Variants in STXBP6 observed in about 807,000 individuals in gnomAD.
STXBP6 encodes syntaxin binding protein 6.
STXBP6 carries 21 observed loss-of-function variants against 26.9 expected under a neutral mutation model. The observed-to-expected ratio is 0.78, with a 90% CI of 0.55 to 1.12. The LOEUF (loss-of-function observed/expected upper bound fraction) is 1.12, where lower values mean the gene tolerates loss of function less well. Among genes scored for constraint, STXBP6 ranks in the 50% most tolerant of loss-of-function variants. The pLI is 0.00. For missense variants in STXBP6, 232 were observed against 257.9 expected, an observed-to-expected ratio of 0.90 and a Z score of 0.69; for synonymous variants, 97 against 92.6, an observed-to-expected ratio of 1.05 and a Z score of -0.27.
rs369782598 is a variant in STXBP6 at position 24,938,851 on chromosome 14, G to A, written c.154+35814C>T. 2.2e-4 allele frequency among the ~76,000 whole-genome samples: 33 copies of A among 152,212 alleles called. 1 individual carries two copies. The highest frequency in any genetic ancestry group is 7.9e-4 in the African/African-American group (33 of 41,530). On this transcript the variant is annotated intron_variant, in intron 2 of 5. Transcript: ENST00000323944. The stretch of plus-strand genomic sequence containing the variant: ...CAGAAAACTCACTTTGCTGGTTTAA[G>A]GCACTTAACATGTATTCAACTTGCT...
intron 2 of STXBP6, among the ~76,000 whole-genome samples, chr14:24,912,827 T>C (rs538296613): frequency 6.6e-6 from 1 of 152,198 alleles, no homozygotes; most frequent in African/African-American, 2.4e-5. Flanking sequence ...TTTAAAAAAA[T>C]GTGGACTTGC....
At chr14:24,923,436 T>C (rs2072051433) in intron 2 of STXBP6, among the ~76,000 whole-genome samples, 1 of 152,226 alleles carries the variant, frequency 6.6e-6, no homozygotes, top group Admixed American at 6.5e-5. Context: ...CAACATTCTT[T>C]TTCATGTTTC....
chr14:24,874,554 T>A (rs965797668), intron 2 of STXBP6, among the ~76,000 whole-genome samples: 1 of 152,012 alleles, frequency 6.6e-6, no homozygotes, highest in African/African-American at 2.4e-5. Context: ...CTCCCAAATG[T>A]AAACAAGCTT....
intron 5 of STXBP6, chr14:24,815,863 C>G (rs1051728950): frequency 6.6e-6 from 1 of 152,142 alleles, no homozygotes; most frequent in African/African-American, 2.4e-5. Context: ...CAAGAAAGGA[C>G]CACATTTCCT....
At chr14:24,903,619 A>G (rs535892211) in intron 2 of STXBP6, among the ~76,000 whole-genome samples, 1 of 152,324 alleles carries the variant, frequency 6.6e-6, no homozygotes, top group South Asian at 2.1e-4. Context: ...AGACAGCCAG[A>G]ATATCCAAGT....
intron 4 of STXBP6, among the ~76,000 whole-genome samples, chr14:24,838,509 C>T (rs992723810): frequency 6.6e-6 from 1 of 151,974 alleles, no homozygotes; most frequent in East Asian, 1.9e-4. Context: ...TACGGTGAAA[C>T]CCCATCTCTA....
intron 2 of STXBP6, among the ~76,000 whole-genome samples, chr14:24,926,357 T>C (rs2072169497): frequency 6.7e-6 from 1 of 149,758 alleles, no homozygotes; most frequent in African/African-American, 2.4e-5. Context: ...CTGATATCTT[T>C]GGGCTCGCCA....
At chr14:24,936,806 T>G (rs2072617874) in intron 2 of STXBP6, among the ~76,000 whole-genome samples, 1 of 152,232 alleles carries the variant, frequency 6.6e-6, no homozygotes, top group South Asian at 2.1e-4. Context: ...CCCAAAGGAT[T>G]AGAAATCATT....
At chr14:24,897,396 C>A (rs1440113532) in intron 2 of STXBP6, among the ~76,000 whole-genome samples, 6 of 115,468 alleles carry the variant, frequency 5.2e-5, no homozygotes, top group African/African-American at 1.4e-4. Context: ...GGCGACAGAG[C>A]GAGACTCTGT....
intron 1 of STXBP6, among the ~76,000 whole-genome samples, chr14:25,037,688 T>C (rs2075577987): frequency 6.6e-6 from 1 of 152,248 alleles, no homozygotes; most frequent in Non-Finnish European, 1.5e-5. Flanking sequence ...AAAGGTCATT[T>C]TAAAACCACC....
intron 1 of STXBP6, among the ~76,000 whole-genome samples, chr14:25,024,708 T>C (rs1352287145): frequency 7.9e-5 from 12 of 152,138 alleles, no homozygotes. Flanking sequence ...CTAGCATAAA[T>C]AGCAACAGAT....
At chr14:24,983,227 G>GA (rs964262653) in intron 1 of STXBP6, among the ~76,000 whole-genome samples, 1 of 152,124 alleles carries the variant, frequency 6.6e-6, no homozygotes, top group Non-Finnish European at 1.5e-5. Context: ...GGTAGTAACA[G>GA]AAAAAAATTA....
chr14:24,828,015 G>A (rs893361168), intron 4 of STXBP6, among the ~76,000 whole-genome samples: 1 of 150,472 alleles, frequency 6.6e-6, no homozygotes, highest in Non-Finnish European at 1.5e-5. Flanking sequence ...AGGGTGTTCC[G>A]ACATCAGCAG....
At chr14:24,839,890 TAGAG>T (rs943199332) in intron 4 of STXBP6, among the ~76,000 whole-genome samples, 1 of 152,200 alleles carries the variant, frequency 6.6e-6, no homozygotes, top group Non-Finnish European at 1.5e-5. Flanking sequence ...CACCGCTTTC[TAGAG>T]AGAAAGAGGA....
intron 2 of STXBP6, among the ~76,000 whole-genome samples, chr14:24,908,902 A>C (rs74040712): frequency 6.6e-6 from 1 of 152,210 alleles, no homozygotes; most frequent in Non-Finnish European, 1.5e-5. Context: ...TCTAGATTAC[A>C]CAGCTCAAGG....
chr14:24,973,380 T>TA (rs2073957244), intron 2 of STXBP6, among the ~76,000 whole-genome samples: 1 of 52,240 alleles, frequency 1.9e-5, no homozygotes, highest in East Asian at 7.7e-4. Context: ...GCTTTCTTCC[T>TA]TTTTTTTTTT....
intron 2 of STXBP6, among the ~76,000 whole-genome samples, chr14:24,869,385 G>A (rs2069844072): frequency 6.6e-6 from 1 of 152,208 alleles, no homozygotes; most frequent in African/African-American, 2.4e-5. Flanking sequence ...GAAACCCATT[G>A]TTATACACAT....
intron 1 of STXBP6, among the ~76,000 whole-genome samples, chr14:24,977,116 G>A (rs1003147441): frequency 6.7e-6 from 1 of 149,638 alleles, no homozygotes; most frequent in Non-Finnish European, 1.5e-5. Context: ...CACCCGCCTC[G>A]GCCTCCCTAC....
intron 2 of STXBP6, among the ~76,000 whole-genome samples, chr14:24,917,162 C>T (rs928202385): frequency 6.6e-6 from 1 of 151,960 alleles, no homozygotes; most frequent in African/African-American, 2.4e-5. Flanking sequence ...AAAGATAATA[C>T]TAACATCCAT....
Sources: allele counts gnomAD v4.1 joint callset (sites outside exome capture counted in the v4.1 genomes callset), GRCh38; gene constraint gnomAD v4.1.1; transcripts MANE v1.5; gene names NCBI Gene and HGNC (gene_info 2026-07-23, HGNC 2026-07-21).